The following PPARGC1A variants were observed in gnomAD, a reference collection of about 807,000 sequenced individuals.
PPARGC1A encodes the protein peroxisome proliferator-activated receptor gamma coactivator 1-alpha.
Under a neutral mutation model 88.7 loss-of-function variants are expected in PPARGC1A, and 25 were observed. The ratio of observed to expected loss-of-function variants is 0.28; its 90% CI spans 0.21 to 0.39. PPARGC1A has a LOEUF of 0.39. Among genes scored for constraint, PPARGC1A ranks in the 10% least tolerant of loss-of-function variants. PPARGC1A has a pLI of 1.00. For synonymous variants in PPARGC1A, 363 were observed against 355.6 expected, an observed-to-expected ratio of 1.02 and a Z score of -0.24; for missense variants, 880 against 968.7, an observed-to-expected ratio of 0.91 and a Z score of 1.22.
the PPARGC1A span, among the ~76,000 whole-genome samples, chr4:24,383,452 C>T: frequency 6.6e-6 from 1 of 151,916 alleles, no homozygotes; most frequent in Admixed American, 6.6e-5. Flanking sequence ...ATGTTCTAAC[C>T]CAATGCAAGG....
the PPARGC1A span, among the ~76,000 whole-genome samples, chr4:24,252,724 C>T: frequency 6.6e-6 from 1 of 152,204 alleles, no homozygotes; most frequent in Non-Finnish European, 1.5e-5. Context: ...TCCTCAGATT[C>T]CCTGGGCTTC....
chr4:24,121,816 G>A, the PPARGC1A span, among the ~76,000 whole-genome samples: 18 of 152,132 alleles, frequency 1.2e-4, no homozygotes, highest in Non-Finnish European at 7.3e-5. Context: ...TGATTTCAAC[G>A]CATGGTTAAT....
the PPARGC1A span, among the ~76,000 whole-genome samples, chr4:23,979,988 G>T: frequency 6.6e-6 from 1 of 151,978 alleles, no homozygotes; most frequent in Non-Finnish European, 1.5e-5. Flanking sequence ...GTAATTAGGG[G>T]AATTAGCCCA....
chr4:24,450,976 C>T, the PPARGC1A span, among the ~76,000 whole-genome samples: 1 of 152,192 alleles, frequency 6.6e-6, no homozygotes. Context: ...CTTTTCAGAA[C>T]TCTTCTGAGT....
At chr4:24,257,131 C>T in the PPARGC1A span, among the ~76,000 whole-genome samples, 1 of 152,108 alleles carries the variant, frequency 6.6e-6, no homozygotes. Context: ...TTATGTTTAA[C>T]TTGAGAAGGA....
chr4:23,832,248 T>C (rs954368554), intron 2 of PPARGC1A, among the ~76,000 whole-genome samples: 10 of 152,168 alleles, frequency 6.6e-5, no homozygotes, highest in African/African-American at 2.2e-4. Context: ...CTATACACTT[T>C]CATGGTTTCA....
the PPARGC1A span, among the ~76,000 whole-genome samples, chr4:24,385,620 G>T: frequency 9.9e-5 from 15 of 152,222 alleles, no homozygotes; most frequent in Admixed American, 6.5e-4. Flanking sequence ...ACACCTCTAC[G>T]CAAATAGACT....
At chr4:24,238,603 A>G in the PPARGC1A span, among the ~76,000 whole-genome samples, 1 of 152,172 alleles carries the variant, frequency 6.6e-6, no homozygotes, top group Non-Finnish European at 1.5e-5. Flanking sequence ...ATGCTCTACA[A>G]ACGTAAGTTA....
chr4:24,266,003 C>T, the PPARGC1A span, among the ~76,000 whole-genome samples: 1 of 152,020 alleles, frequency 6.6e-6, no homozygotes, highest in Non-Finnish European at 1.5e-5. Context: ...TACAAATGCA[C>T]AGATTTAAAT....
the PPARGC1A span, among the ~76,000 whole-genome samples, chr4:24,164,035 G>C: frequency 6.6e-6 from 1 of 152,160 alleles, no homozygotes; most frequent in African/African-American, 2.4e-5. Context: ...AATCCTGTTT[G>C]ATAGAATAAT....
At chr4:24,271,124 A>T in the PPARGC1A span, among the ~76,000 whole-genome samples, 1 of 152,230 alleles carries the variant, frequency 6.6e-6, no homozygotes, top group Non-Finnish European at 1.5e-5. Context: ...ATTTGTTCTG[A>T]AATGTATTAG....
chr4:24,084,799 A>C, the PPARGC1A span, among the ~76,000 whole-genome samples: 1 of 152,228 alleles, frequency 6.6e-6, no homozygotes, highest in Non-Finnish European at 1.5e-5. Flanking sequence ...CAATAACAAA[A>C]AATTACAACC....
the PPARGC1A span, among the ~76,000 whole-genome samples, chr4:24,168,242 G>C: frequency 6.6e-6 from 1 of 152,108 alleles, no homozygotes; most frequent in African/African-American, 2.4e-5. Context: ...CATCTCCATG[G>C]AATGCTTACA....
At chr4:24,350,702 C>T in the PPARGC1A span, among the ~76,000 whole-genome samples, 1 of 152,220 alleles carries the variant, frequency 6.6e-6, no homozygotes, top group Non-Finnish European at 1.5e-5. Flanking sequence ...ACTGTGGCTT[C>T]AAGGTCTTTA....
the PPARGC1A span, among the ~76,000 whole-genome samples, chr4:23,920,993 C>T: frequency 6.6e-6 from 1 of 152,134 alleles, no homozygotes; most frequent in African/African-American, 2.4e-5. Flanking sequence ...GAGGACACAA[C>T]CCAGAGGACT....
the PPARGC1A span, among the ~76,000 whole-genome samples, chr4:24,269,588 G>A: frequency 6.6e-6 from 1 of 152,044 alleles, no homozygotes; most frequent in Admixed American, 6.6e-5. Context: ...TAGACTACGC[G>A]AGTATAATAA....
At chr4:24,157,850 A>G in the PPARGC1A span, among the ~76,000 whole-genome samples, 4 of 151,760 alleles carry the variant, frequency 2.6e-5, no homozygotes, top group Non-Finnish European at 1.5e-5. Context: ...CCCCCACCCC[A>G]CAATTCTCCC....
chr4:24,371,265 A>C, the PPARGC1A span, among the ~76,000 whole-genome samples: 2 of 152,220 alleles, frequency 1.3e-5, no homozygotes, highest in Non-Finnish European at 2.9e-5. Context: ...TCTTTATAGT[A>C]GAATGATTTA....
chr4:24,394,847 G>GA, the PPARGC1A span, among the ~76,000 whole-genome samples: 1 of 152,084 alleles, frequency 6.6e-6, no homozygotes, highest in Non-Finnish European at 1.5e-5. Context: ...AAATGTGGGG[G>GA]AAAAAATGCT....
Sources: allele counts gnomAD v4.1 joint callset (sites outside exome capture counted in the v4.1 genomes callset), GRCh38; gene constraint gnomAD v4.1.1; transcripts MANE v1.5; gene names NCBI Gene and HGNC (gene_info 2026-07-23, HGNC 2026-07-21).